The following CDH13 variants were observed in gnomAD, a reference collection of about 807,000 sequenced individuals.
CDH13 encodes cadherin-13.
CDH13 carries 24 observed loss-of-function variants against 63.8 expected under a neutral mutation model. The observed-to-expected ratio is 0.38, with a 90% CI of 0.27 to 0.53. The LOEUF is 0.53. Ranked by LOEUF, CDH13 falls within the 20% of genes least tolerant of loss-of-function variation. The probability of loss-of-function intolerance (pLI) is 0.85; values close to 1 mark genes in which losing one functional copy is unlikely to be tolerated. For synonymous variants in CDH13, 503 were observed against 355.3 expected (o/e 1.42, Z -4.67); for missense variants, 1,049 against 903.1 (o/e 1.16, Z -2.07).
At chr16:83,272,701 C>T (rs1470397989) in intron 5 of CDH13, among the ~76,000 whole-genome samples, 4 of 152,134 alleles carry the variant, frequency 2.6e-5, no homozygotes, top group Non-Finnish European at 5.9e-5. Context: ...GGTGGAAAAA[C>T]TACTCCCAAT....
At chr16:83,026,548 T>G (rs1015230884) in intron 2 of CDH13, among the ~76,000 whole-genome samples, 1 of 152,178 alleles carries the variant, frequency 6.6e-6, no homozygotes, top group Admixed American at 6.5e-5. Context: ...TTGTAGTACC[T>G]AAACAGATAT....
intron 8 of CDH13, among the ~76,000 whole-genome samples, chr16:83,650,249 G>C (rs1313385841): frequency 1.3e-5 from 2 of 152,142 alleles, no homozygotes; most frequent in Non-Finnish European, 2.9e-5. Flanking sequence ...TTTTATAAAA[G>C]GGATTATCAG....
rs147644926 is a variant in CDH13, at chr16:83,058,474, G to C, written c.366+26256G>C. Among the ~76,000 whole-genome samples, 57 of 152,270 alleles carry C rather than the reference G, an allele frequency of 3.7e-4. No individual in the cohort carries two copies. In the Middle Eastern group the frequency reaches 0.01, roughly 27 times the overall value. ...CTTTTCCCAACAGATGCATTCTTGT[G>C]ACCTCACTGATGACAGGGGCGTCGT... On this transcript the variant is annotated intron_variant, in intron 3 of 13. Coordinates refer to ENST00000567109, the MANE Select transcript of CDH13 (RefSeq NM_001257.5).
chr16:82,954,965 T>G (rs759770961), intron 2 of CDH13, among the ~76,000 whole-genome samples: 12 of 152,222 alleles, frequency 7.9e-5, no homozygotes, highest in Non-Finnish European at 5.9e-5. Flanking sequence ...GTATCAATAC[T>G]TCAGTCTTTG....
At chr16:83,099,636 T>G (rs1430319126) in intron 3 of CDH13, among the ~76,000 whole-genome samples, 2 of 150,926 alleles carry the variant, frequency 1.3e-5, no homozygotes, top group African/African-American at 4.9e-5. Flanking sequence ...TACATATTAC[T>G]TCTAATCCTT....
intron 10 of CDH13, among the ~76,000 whole-genome samples, chr16:83,705,585 G>A (rs1906914063): frequency 6.6e-6 from 1 of 152,182 alleles, no homozygotes; most frequent in Non-Finnish European, 1.5e-5. Context: ...TCACGCCACT[G>A]CACTCCAGCG....
chr16:83,022,171 G>T (rs905382600), intron 2 of CDH13, among the ~76,000 whole-genome samples: 9 of 152,218 alleles, frequency 5.9e-5, no homozygotes, highest in Admixed American at 3.9e-4. Context: ...CCTGGAAAGA[G>T]TCTGTCTGAT....
intron 8 of CDH13, among the ~76,000 whole-genome samples, chr16:83,619,501 C>T (rs1424532164): frequency 6.6e-6 from 1 of 152,226 alleles, no homozygotes; most frequent in Middle Eastern, 3.2e-3. Flanking sequence ...AGGCAGAAGT[C>T]CAAGAGCAAG....
chr16:83,059,785 TTTTGTTTG>T (rs2031336385), intron 3 of CDH13, among the ~76,000 whole-genome samples: 2 of 134,664 alleles, frequency 1.5e-5, no homozygotes, highest in African/African-American at 5.6e-5. Flanking sequence ...TTGTTTTTTT[TTTTGTTTG>T]TTTTTTTTTT....
At chr16:83,583,029 G>C (rs1905776362) in intron 7 of CDH13, among the ~76,000 whole-genome samples, 1 of 152,120 alleles carries the variant, frequency 6.6e-6, no homozygotes, top group Non-Finnish European at 1.5e-5. Flanking sequence ...TCAAAGTGTT[G>C]GTAGGCCTTG....
At position 83,530,888 on chromosome 16, in the gene CDH13, G is replaced by A. The variant is rs955691667; in HGVS notation, c.960+44233G>A. 5.3e-5 allele frequency among the ~76,000 whole-genome samples: 8 copies of A among 152,332 alleles called. No homozygotes were observed. The South Asian group carries it at 8.3e-4, about 16-fold the overall frequency. On this transcript the variant is annotated intron_variant, in intron 7 of 13. Coordinates refer to ENST00000567109, the MANE Select transcript of CDH13 (RefSeq NM_001257.5). ...GCGGTCTGTGCATGGTGGGTCAGAGGCAGAGCTGTGCATTCACACAGACTG... is the reference window on the plus strand; with the variant it reads ...GCGGTCTGTGCATGGTGGGTCAGAGACAGAGCTGTGCATTCACACAGACTG...
intron 3 of CDH13, among the ~76,000 whole-genome samples, chr16:83,035,177 T>G (rs1439947080): frequency 6.6e-6 from 1 of 152,180 alleles, no homozygotes; most frequent in African/African-American, 2.4e-5. Context: ...TCAATGGATA[T>G]GCACGTGGTA....
chr16:83,733,483 C>G (rs531874917), intron 10 of CDH13, among the ~76,000 whole-genome samples: 1 of 152,198 alleles, frequency 6.6e-6, no homozygotes, highest in African/African-American at 2.4e-5. Flanking sequence ...ACAGCTGCCT[C>G]TAAGTACCTC....
chr16:82,800,081 G>A (rs911500869), intron 1 of CDH13, among the ~76,000 whole-genome samples: 1 of 152,190 alleles, frequency 6.6e-6, no homozygotes, highest in Admixed American at 6.5e-5. Context: ...TTAAAAGACA[G>A]GAAGACCCTT....
intron 8 of CDH13, among the ~76,000 whole-genome samples, chr16:83,629,962 G>T (rs1598392842): frequency 6.6e-6 from 1 of 152,218 alleles, no homozygotes; most frequent in African/African-American, 2.4e-5. Context: ...TAACAGAAAT[G>T]TATTTTAGCT....
At chr16:82,793,924 G>C (rs1320880157) in intron 1 of CDH13, among the ~76,000 whole-genome samples, 1 of 152,132 alleles carries the variant, frequency 6.6e-6, no homozygotes. Flanking sequence ...AAGTAAGTGA[G>C]ACAGTGGATC....
Position 82,767,483 on chromosome 16 carries a change from T to C in CDH13, c.46-90879T>C, listed in dbSNP as rs557084819. Among the ~76,000 whole-genome samples the C allele has an allele frequency of 3.9e-5, 6 of 152,354 alleles. No individual in the cohort carries two copies. The South Asian group carries it at 1.2e-3, about 32-fold the overall frequency. ...TTGTTGCACCGATGTGCTTTCTGAA[T>C]CGGGAAAAACAAATATTTTTGTGTT... On this transcript the variant is annotated intron_variant, in intron 1 of 13. Coordinates refer to ENST00000567109, the MANE Select transcript of CDH13 (RefSeq NM_001257.5).
intron 10 of CDH13, among the ~76,000 whole-genome samples, chr16:83,743,636 T>C (rs1912262306): frequency 6.6e-6 from 1 of 152,018 alleles, no homozygotes; most frequent in Non-Finnish European, 1.5e-5. Flanking sequence ...AATCAGGCAA[T>C]AGAATGCGGT....
chr16:83,776,965 G>GCACAA (rs1915158251), intron 11 of CDH13, among the ~76,000 whole-genome samples: 1 of 73,628 alleles, frequency 1.4e-5, no homozygotes, highest in Admixed American at 1.2e-4. Context: ...AAGCTGCACA[G>GCACAA]GTGCATTGAA....
Sources: gnomAD v4.1 joint callset for allele counts (sites outside exome capture counted in the v4.1 genomes callset) on GRCh38, gnomAD v4.1.1 for gene constraint, MANE v1.5 for transcripts, NCBI Gene and HGNC (gene_info 2026-07-23, HGNC 2026-07-21) for gene names.